Variants in KIAA1217 observed in about 807,000 individuals in gnomAD.
KIAA1217 encodes the protein sickle tail protein homolog.
A neutral mutation model predicts 163.9 loss-of-function variants in KIAA1217; 88 were observed. The ratio of observed to expected loss-of-function variants is 0.54; its 90% confidence interval spans 0.45 to 0.64. The LOEUF (loss-of-function observed/expected upper bound fraction) is 0.64. KIAA1217 is among the 30% of genes least tolerant of loss of function. The pLI is 0.00. For missense variants in KIAA1217, 2,372 were observed against 2,475.0 expected, an observed-to-expected ratio of 0.96 and a Z score of 0.88; for synonymous variants, 903 against 923.1, an observed-to-expected ratio of 0.98 and a Z score of 0.39.
intron 5 of KIAA1217, among the ~76,000 whole-genome samples, chr10:24,461,426 C>T (rs549057118): frequency 6.6e-6 from 1 of 152,246 alleles, no homozygotes; most frequent in Non-Finnish European, 1.5e-5. Flanking sequence ...ATAATCTTGG[C>T]TCACTGCAGC....
intron 1 of KIAA1217, among the ~76,000 whole-genome samples, chr10:23,734,285 CT>C (rs145902051): frequency 0.076 from 10,869 of 143,518 alleles, 684 homozygotes; most frequent in African/African-American, 0.17. Context: ...AGATTTAAAC[CT>C]TTTTTTTTTT....
At chr10:23,724,993 T>C (rs1020856668) in intron 1 of KIAA1217, among the ~76,000 whole-genome samples, 4 of 151,782 alleles carry the variant, frequency 2.6e-5, no homozygotes, top group Non-Finnish European at 4.4e-5. Context: ...GGTTCTACCT[T>C]AGTTCTACAC....
intron 1 of KIAA1217, among the ~76,000 whole-genome samples, chr10:23,807,451 T>TA (rs754772171): frequency 6.6e-6 from 1 of 152,240 alleles, no homozygotes; most frequent in South Asian, 2.1e-4. Context: ...CCTGGGCCAT[T>TA]ATGGCTGTAG....
intron 3 of KIAA1217, among the ~76,000 whole-genome samples, chr10:24,396,129 G>A (rs945307447): frequency 6.6e-6 from 1 of 152,154 alleles, no homozygotes; most frequent in Admixed American, 6.5e-5. Flanking sequence ...CTGAGGTCAG[G>A]AGTTCGAGAC....
intron 9 of KIAA1217, among the ~76,000 whole-genome samples, chr10:24,511,096 T>C (rs1377512017): frequency 3.0e-5 from 4 of 132,146 alleles, no homozygotes; most frequent in African/African-American, 1.2e-4. Flanking sequence ...GAGGTTGCAG[T>C]GAGCTGCGAT....
chr10:24,120,551 T>A (rs1034405745), intron 2 of KIAA1217, among the ~76,000 whole-genome samples: 14 of 152,150 alleles, frequency 9.2e-5, no homozygotes, highest in Non-Finnish European at 2.1e-4. Flanking sequence ...ACTATGGTGA[T>A]CTTGGCACGC....
rs376416426 is a variant in KIAA1217, at chr10:24,461,323, T to TC, written c.847-11904dup. On this transcript the variant is annotated intron_variant, in intron 5 of 20. Coordinates refer to ENST00000376454, the MANE Select transcript of KIAA1217 (RefSeq NM_019590.5). ...AAACTGCAATTGTAGAGCATAACAT[T>TC]CTTTTTTTGTTTTTGTTTTTGTTTT... 5.3e-5 allele frequency among the ~76,000 whole-genome samples: 8 copies of TC among 152,264 alleles called. 1 individual carries two copies. The highest frequency in any genetic ancestry group is 1.7e-4 in the African/African-American group (7 of 41,562).
chr10:23,832,110 A>G lies in KIAA1217; in HGVS notation c.-321+136876A>G, dbSNP rs140913759. On this transcript the variant is annotated intron_variant, in intron 1 of 18. Transcript: ENST00000376462. ...CAGGTTGAGAGCCCAGTCCCACAAGACTTCTCTCCGCCACTTCAGATACCA... is the reference window on the plus strand; with the variant it reads ...CAGGTTGAGAGCCCAGTCCCACAAGGCTTCTCTCCGCCACTTCAGATACCA... Among the ~76,000 whole-genome samples the G allele has an allele frequency of 5.7e-3, 864 of 152,094 alleles. 11 individuals are homozygous for G. The highest frequency in any genetic ancestry group is 7.3e-3 in the Admixed American group (111 of 15,270).
intron 6 of KIAA1217, among the ~76,000 whole-genome samples, chr10:24,485,764 C>T (rs373107028): frequency 6.6e-6 from 1 of 152,234 alleles, no homozygotes; most frequent in Non-Finnish European, 1.5e-5. Flanking sequence ...TTTGATGTCT[C>T]TGTAGGGTGA....
At chr10:24,029,024 A>G (rs149605142) in intron 2 of KIAA1217, among the ~76,000 whole-genome samples, 32 of 152,314 alleles carry the variant, frequency 2.1e-4, no homozygotes, top group African/African-American at 7.2e-4. Context: ...GGGAAGAAAT[A>G]CAGGGAGCCA....
chr10:24,087,908 C>CCTGGCTAGCCAGTT (rs1564685396), intron 2 of KIAA1217, among the ~76,000 whole-genome samples: 5 of 132,150 alleles, frequency 3.8e-5, no homozygotes, highest in Admixed American at 2.2e-4. Context: ...CAGATCAGAG[C>CCTGGCTAGCCAGTT]TGTGGTGGCC....
At chr10:23,828,431 G>T (rs181998887) in intron 1 of KIAA1217, among the ~76,000 whole-genome samples, 14 of 152,208 alleles carry the variant, frequency 9.2e-5, no homozygotes, top group Admixed American at 6.5e-4. Flanking sequence ...ACTCTAGGAG[G>T]TCATGGCTGG....
intron 1 of KIAA1217, among the ~76,000 whole-genome samples, chr10:23,963,115 T>C (rs1198890714): frequency 6.6e-6 from 1 of 152,142 alleles, no homozygotes; most frequent in South Asian, 2.1e-4. Context: ...AGCTTAAGAG[T>C]TGAATTTTTT....
chr10:23,991,714 C>G (rs983821826), intron 1 of KIAA1217, among the ~76,000 whole-genome samples: 4 of 151,954 alleles, frequency 2.6e-5, no homozygotes, highest in African/African-American at 4.8e-5. Context: ...CCATGACGTA[C>G]GATATAATTA....
chr10:24,111,668 T>G (rs144807310), intron 2 of KIAA1217, among the ~76,000 whole-genome samples: 1 of 152,188 alleles, frequency 6.6e-6, no homozygotes, highest in Non-Finnish European at 1.5e-5. Context: ...TGCTGATGGT[T>G]CTGTGGAAAT....
chr10:24,079,371 G>A (rs1005155897), intron 2 of KIAA1217, among the ~76,000 whole-genome samples: 4 of 152,168 alleles, frequency 2.6e-5, no homozygotes, highest in Non-Finnish European at 4.4e-5. Context: ...CCATGAGGCA[G>A]TTCTGAGCAC....
chr10:24,450,641 A>T (rs557591125), intron 5 of KIAA1217, among the ~76,000 whole-genome samples: 1 of 152,346 alleles, frequency 6.6e-6, no homozygotes, highest in South Asian at 2.1e-4. Context: ...ATGAGTTAAT[A>T]TACCTGAGAA....
intron 1 of KIAA1217, among the ~76,000 whole-genome samples, chr10:23,859,361 G>A (rs936779425): frequency 6.6e-6 from 1 of 152,150 alleles, no homozygotes; most frequent in Non-Finnish European, 1.5e-5. Context: ...CCAACAATAG[G>A]CACTAAACTC....
intron 2 of KIAA1217, among the ~76,000 whole-genome samples, chr10:24,370,202 C>T (rs1450813604): frequency 2.7e-5 from 4 of 146,328 alleles, no homozygotes; most frequent in Non-Finnish European, 4.5e-5. Context: ...GAGGCGGAGC[C>T]TGCAGTGAGC....
Sources: gnomAD v4.1 joint callset for allele counts (sites outside exome capture counted in the v4.1 genomes callset) on GRCh38, gnomAD v4.1.1 for gene constraint, MANE v1.5 for transcripts, NCBI Gene and HGNC (gene_info 2026-07-23, HGNC 2026-07-21) for gene names.